SLC25A21: variants seen among roughly 807,000 people sequenced by gnomAD.
The protein encoded by SLC25A21 is mitochondrial 2-oxodicarboxylate carrier.
SLC25A21 carries 47 observed loss-of-function variants against 43.8 expected under a neutral mutation model. The ratio of observed to expected loss-of-function variants is 1.07; its 90% CI spans 0.85 to 1.37. SLC25A21 has a LOEUF of 1.37. Among genes scored for constraint, SLC25A21 ranks in the 40% most tolerant of loss-of-function variants. The pLI, the probability that SLC25A21 is intolerant of heterozygous loss-of-function variation, is 0.00. For missense variants in SLC25A21, 352 were observed against 350.2 expected (o/e 1.00, Z -0.04); for synonymous variants, 131 against 121.3 (o/e 1.08, Z -0.52).
At chr14:37,098,587 T>C (rs1001652983) in intron 1 of SLC25A21, 1 of 152,170 alleles carries the variant, frequency 6.6e-6, no homozygotes, top group Non-Finnish European at 1.5e-5. Context: ...GGATACTATC[T>C]GCTTTAACAG....
intron 3 of SLC25A21, among the ~76,000 whole-genome samples, chr14:36,778,938 T>C (rs1033565082): frequency 6.6e-5 from 10 of 152,096 alleles, no homozygotes; most frequent in Admixed American, 5.2e-4. Context: ...ATTCACCTTA[T>C]AACTGAAAGT....
chr14:37,073,488 C>A lies in SLC25A21; in HGVS notation c.70+98793G>T, dbSNP rs111234633. Among the ~76,000 whole-genome samples the A allele has an allele frequency of 1.3e-5, 2 of 152,342 alleles. 1 individual carries two copies. The highest frequency in any genetic ancestry group is 4.8e-5 in the African/African-American group (2 of 41,574). On this transcript the variant is annotated intron_variant, in intron 1 of 9. Coordinates refer to ENST00000331299, the MANE Select transcript of SLC25A21 (RefSeq NM_030631.4). Reference sequence around the variant, plus strand: ...TCAGCCTCCCAAAGAGCTGGGATTACAGGCATGAGCCACTACAGCCTGCCT... The same window carrying A: ...TCAGCCTCCCAAAGAGCTGGGATTAAAGGCATGAGCCACTACAGCCTGCCT...
chr14:37,074,350 G>A (rs2138829576), intron 1 of SLC25A21, among the ~76,000 whole-genome samples: 1 of 152,260 alleles, frequency 6.6e-6, no homozygotes, highest in East Asian at 1.9e-4. Context: ...ACTCTTCCTT[G>A]ATGGAATTAG....
intron 1 of SLC25A21, among the ~76,000 whole-genome samples, chr14:37,096,247 G>C (rs1464566410): frequency 2.0e-5 from 3 of 152,172 alleles, no homozygotes; most frequent in Non-Finnish European, 4.4e-5. Context: ...CCGTTTTATT[G>C]AAGTTGATAA....
intron 1 of SLC25A21, among the ~76,000 whole-genome samples, chr14:37,012,989 G>C (rs1216320747): frequency 6.6e-6 from 1 of 152,194 alleles, no homozygotes; most frequent in Non-Finnish European, 1.5e-5. Context: ...GACTTCTTTG[G>C]GGGAGAGTGG....
At chr14:36,700,240 C>A (rs988198651) in intron 7 of SLC25A21, among the ~76,000 whole-genome samples, 1 of 152,218 alleles carries the variant, frequency 6.6e-6, no homozygotes, top group Non-Finnish European at 1.5e-5. Flanking sequence ...CCCTTCCTTT[C>A]CATCCCCTTC....
intron 1 of SLC25A21, among the ~76,000 whole-genome samples, chr14:37,146,646 T>C (rs866767634): frequency 3.9e-5 from 6 of 152,214 alleles, no homozygotes; most frequent in Non-Finnish European, 8.8e-5. Context: ...TTTTACATCA[T>C]TTATTCAACA....
At chr14:36,893,835 A>C (rs1252410045) in intron 1 of SLC25A21, among the ~76,000 whole-genome samples, 1 of 152,202 alleles carries the variant, frequency 6.6e-6, no homozygotes, top group Non-Finnish European at 1.5e-5. Flanking sequence ...GGTTTGTCAA[A>C]GATCAGATGG....
At chr14:37,059,332 T>G (rs1363450082) in intron 1 of SLC25A21, among the ~76,000 whole-genome samples, 1 of 152,184 alleles carries the variant, frequency 6.6e-6, no homozygotes, top group Non-Finnish European at 1.5e-5. Context: ...TTACACTCAG[T>G]AGACAGTGGC....
At chr14:36,692,134 G>C (rs968463256) in intron 7 of SLC25A21, among the ~76,000 whole-genome samples, 5 of 152,192 alleles carry the variant, frequency 3.3e-5, no homozygotes, top group African/African-American at 1.2e-4. Flanking sequence ...TTCTCTGGCT[G>C]TTTCCATCAC....
chr14:37,138,584 CATTA>C (rs1031646434), intron 1 of SLC25A21, among the ~76,000 whole-genome samples: 30 of 152,152 alleles, frequency 2.0e-4, no homozygotes, highest in African/African-American at 7.0e-4. Flanking sequence ...TGTTCATATA[CATTA>C]ATTTATTGTC....
chr14:36,819,094 G>A (rs1888544636), intron 2 of SLC25A21, among the ~76,000 whole-genome samples: 1 of 152,144 alleles, frequency 6.6e-6, no homozygotes, highest in Non-Finnish European at 1.5e-5. Flanking sequence ...AGTAACACTT[G>A]GGACATATTT....
intron 3 of SLC25A21, among the ~76,000 whole-genome samples, chr14:36,744,130 T>A (rs541015904): frequency 6.6e-6 from 1 of 152,260 alleles, no homozygotes; most frequent in East Asian, 1.9e-4. Flanking sequence ...AATCTACAGA[T>A]TCAATGCAAT....
chr14:36,821,380 G>C (rs560705188), intron 2 of SLC25A21, among the ~76,000 whole-genome samples: 1 of 152,132 alleles, frequency 6.6e-6, no homozygotes, highest in Non-Finnish European at 1.5e-5. Context: ...TGGGCAGGGT[G>C]GGGTGGGGGA....
intron 1 of SLC25A21, among the ~76,000 whole-genome samples, chr14:37,160,953 G>C (rs1023915511): frequency 1.5e-5 from 2 of 129,876 alleles, no homozygotes; most frequent in African/African-American, 2.8e-5. Flanking sequence ...AGGAGGAAGA[G>C]GAGGAGGAGG....
chr14:37,165,398 G>A (rs762544233), intron 1 of SLC25A21, among the ~76,000 whole-genome samples: 20 of 152,080 alleles, frequency 1.3e-4, no homozygotes, highest in Non-Finnish European at 2.2e-4. Context: ...AGATACCAGG[G>A]ACTAAGGTAA....
At chr14:36,761,750 A>G (rs1181044111) in intron 3 of SLC25A21, among the ~76,000 whole-genome samples, 1 of 147,724 alleles carries the variant, frequency 6.8e-6, no homozygotes, top group Non-Finnish European at 1.5e-5. Flanking sequence ...ATTTAGGAAA[A>G]TTTGATCAAA....
intron 6 of SLC25A21, among the ~76,000 whole-genome samples, chr14:36,712,627 G>A (rs1883933606): frequency 6.6e-6 from 1 of 152,082 alleles, no homozygotes; most frequent in Non-Finnish European, 1.5e-5. Context: ...GCTGATAAAT[G>A]TTTTGAAGAC....
intron 7 of SLC25A21, among the ~76,000 whole-genome samples, chr14:36,708,870 C>T (rs1294129719): frequency 1.3e-5 from 2 of 151,732 alleles, no homozygotes; most frequent in East Asian, 3.9e-4. Flanking sequence ...AGGCTTGAGC[C>T]ACTGTGCCAG....
Sources: gnomAD v4.1 joint callset for allele counts (sites outside exome capture counted in the v4.1 genomes callset) on GRCh38, gnomAD v4.1.1 for gene constraint, MANE v1.5 for transcripts, NCBI Gene and HGNC (gene_info 2026-07-23, HGNC 2026-07-21) for gene names.